Variants in GRID2 observed in about 807,000 individuals in gnomAD.
The protein encoded by GRID2 is glutamate receptor ionotropic, delta-2.
In GRID2, 33 loss-of-function variants were observed where a neutral mutation model predicts 114.8. The ratio of observed to expected loss-of-function variants is 0.29; its 90% CI spans 0.22 to 0.38. GRID2 has a LOEUF of 0.38. GRID2 is among the 10% of genes least tolerant of loss of function. The pLI is 1.00. For missense variants in GRID2, 1,184 were observed against 1,257.7 expected (o/e 0.94, Z 0.89); for synonymous variants, 505 against 449.9 (o/e 1.12, Z -1.55).
At chr4:93,125,851 G>A (rs1734216429) in intron 4 of GRID2, among the ~76,000 whole-genome samples, 1 of 152,200 alleles carries the variant, frequency 6.6e-6, no homozygotes, top group South Asian at 2.1e-4. Context: ...ATATAGGATT[G>A]ATATCCAGCA....
intron 2 of GRID2, among the ~76,000 whole-genome samples, chr4:92,962,752 A>AT (rs1752906254): frequency 1.3e-5 from 2 of 151,950 alleles, no homozygotes; most frequent in South Asian, 4.1e-4. Context: ...CTATGACTAG[A>AT]TCCCCCTAGA....
At position 92,780,529 on chromosome 4, in the gene GRID2, T is replaced by C. The variant is rs1483699410; in HGVS notation, c.244+190243T>C. Among the ~76,000 whole-genome samples the C allele has an allele frequency of 3.3e-5, 5 of 152,140 alleles. No homozygotes were observed. The East Asian group carries it at 9.7e-4, about 29-fold the overall frequency. ...TATAATGAGTATAATTTAAATATTTTAAATCATTTAAACAATAAGGAAGGG... is the reference window on the plus strand; with the variant it reads ...TATAATGAGTATAATTTAAATATTTCAAATCATTTAAACAATAAGGAAGGG... On this transcript the variant is annotated intron_variant, in intron 2 of 15. Coordinates refer to ENST00000282020, the MANE Select transcript of GRID2 (RefSeq NM_001510.4).
At chr4:93,255,710 TTGAACTTCTGCCATGTTGTGACACAGCA>T (rs1749502030) in intron 8 of GRID2, among the ~76,000 whole-genome samples, 2 of 152,134 alleles carry the variant, frequency 1.3e-5, no homozygotes, top group African/African-American at 4.8e-5. Context: ...TACTTCCCCT[TTGAACTTCTGCCATGTTGTGACACAGCA>T]TGAAAGCCCT....
chr4:93,629,520 A>G (rs2149695654), intron 14 of GRID2, among the ~76,000 whole-genome samples: 1 of 152,346 alleles, frequency 6.6e-6, no homozygotes, highest in East Asian at 1.9e-4. Flanking sequence ...AAGGAAAAAG[A>G]GATCTTCCCT....
At chr4:92,580,140 A>G (rs1358653484) in intron 1 of GRID2, among the ~76,000 whole-genome samples, 1 of 150,334 alleles carries the variant, frequency 6.7e-6, no homozygotes, top group Non-Finnish European at 1.5e-5. Context: ...TCTGAGGGAA[A>G]CTCATGTCTC....
intron 2 of GRID2, among the ~76,000 whole-genome samples, chr4:92,668,896 G>T (rs1732915248): frequency 6.6e-6 from 1 of 151,832 alleles, no homozygotes; most frequent in Admixed American, 6.6e-5. Context: ...AGATAGACAT[G>T]GTGGTGACCA....
intron 1 of GRID2, among the ~76,000 whole-genome samples, chr4:92,524,491 C>G (rs112198054): frequency 3.3e-4 from 49 of 147,514 alleles, no homozygotes; most frequent in African/African-American, 1.2e-3. Flanking sequence ...CTCACTGTCA[C>G]CAATGGTCAG....
At chr4:93,710,196 G>C (rs945947393) in intron 14 of GRID2, among the ~76,000 whole-genome samples, 1 of 152,102 alleles carries the variant, frequency 6.6e-6, no homozygotes, top group Non-Finnish European at 1.5e-5. Context: ...GGGCTTGTTT[G>C]TACCCCTCTT....
chr4:92,316,592 A>G (rs2110118254), intron 1 of GRID2, among the ~76,000 whole-genome samples: 1 of 152,240 alleles, frequency 6.6e-6, no homozygotes, highest in African/African-American at 2.4e-5. Flanking sequence ...GAAACAAGAC[A>G]CGTTTCATAT....
chr4:92,748,179 TG>T (rs1737249050), intron 2 of GRID2, among the ~76,000 whole-genome samples: 1 of 152,204 alleles, frequency 6.6e-6, no homozygotes, highest in African/African-American at 2.4e-5. Flanking sequence ...ATTTTTTCTA[TG>T]TTTCCCATCT....
intron 12 of GRID2, among the ~76,000 whole-genome samples, chr4:93,497,621 T>C (rs1344381829): frequency 1.3e-5 from 2 of 151,776 alleles, no homozygotes; most frequent in Admixed American, 6.6e-5. Flanking sequence ...CCTTTCTTCA[T>C]TGAATTGTTT....
At position 93,132,220 on chromosome 4, in the gene GRID2, C is replaced by T. The variant is rs564642755; in HGVS notation, c.735+21267C>T. 3.3e-5 allele frequency among the ~76,000 whole-genome samples: 5 copies of T among 152,298 alleles called. No individual in the cohort carries two copies. In the South Asian group the frequency reaches 1.0e-3, roughly 32 times the overall value. The stretch of plus-strand genomic sequence containing the variant: ...GGGGCTATTGTAAATTTCACATTCT[C>T]CTCAGTATTTGACATAGAACCTACA... On this transcript the variant is annotated intron_variant, in intron 4 of 15. Transcript: ENST00000282020.
intron 2 of GRID2, among the ~76,000 whole-genome samples, chr4:93,011,393 TA>T (rs779299695): frequency 6.6e-6 from 1 of 152,106 alleles, no homozygotes; most frequent in Admixed American, 6.6e-5. Flanking sequence ...CCAGTAGTGA[TA>T]AAAAAATTCA....
chr4:93,482,072 A>C (rs2149447925), intron 11 of GRID2, among the ~76,000 whole-genome samples: 1 of 152,200 alleles, frequency 6.6e-6, no homozygotes, highest in Non-Finnish European at 1.5e-5. Flanking sequence ...ATTGAATACA[A>C]ATTAGTTCCA....
chr4:92,935,792 A>G lies in GRID2; in HGVS notation c.245-149203A>G, dbSNP rs1353385123. Among the ~76,000 whole-genome samples the G allele has an allele frequency of 1.4e-5, 2 of 144,526 alleles. 1 individual carries two copies. The highest frequency in any genetic ancestry group is 3.0e-5 in the Non-Finnish European group (2 of 65,842). 94.8% of individuals were successfully genotyped at this position (144,526 alleles called of 152,430 possible). ...GAGTAAACTATCGCAAGGACAAAAA[A>G]CCAAACACTGCATGTTCTCACTCAT... On this transcript the variant is annotated intron_variant, in intron 2 of 15. Coordinates refer to ENST00000282020, the MANE Select transcript of GRID2 (RefSeq NM_001510.4).
intron 1 of GRID2, among the ~76,000 whole-genome samples, chr4:93,780,333 G>A (rs1179214300): frequency 6.6e-6 from 1 of 152,174 alleles, no homozygotes; most frequent in Non-Finnish European, 1.5e-5. Flanking sequence ...GCTCTGAGGT[G>A]AGAATGTCCT....
At chr4:93,578,962 C>T (rs928995783) in intron 13 of GRID2, among the ~76,000 whole-genome samples, 2 of 152,250 alleles carry the variant, frequency 1.3e-5, no homozygotes, top group African/African-American at 2.4e-5. Context: ...TCTGTATACT[C>T]ATTGATTTCC....
At chr4:92,660,364 G>C (rs1349389898) in intron 2 of GRID2, among the ~76,000 whole-genome samples, 1 of 151,228 alleles carries the variant, frequency 6.6e-6, no homozygotes, top group Non-Finnish European at 1.5e-5. Flanking sequence ...GATTATAAAA[G>C]GCTGGTTCCA....
At chr4:92,970,640 C>T (rs1753447395) in intron 2 of GRID2, among the ~76,000 whole-genome samples, 2 of 151,784 alleles carry the variant, frequency 1.3e-5, no homozygotes, top group Admixed American at 6.6e-5. Flanking sequence ...AAATCACTTT[C>T]GTGTTAGTCT....
Sources: gnomAD v4.1 joint callset for allele counts (sites outside exome capture counted in the v4.1 genomes callset) on GRCh38, gnomAD v4.1.1 for gene constraint, MANE v1.5 for transcripts, NCBI Gene and HGNC (gene_info 2026-07-23, HGNC 2026-07-21) for gene names.